The following GRK1 variants were observed in gnomAD, a reference collection of about 807,000 sequenced individuals.
GRK1 encodes G protein-coupled receptor kinase 1.
In GRK1, 28 loss-of-function variants were observed where a neutral mutation model predicts 41.7. The ratio of observed to expected loss-of-function variants is 0.67; its 90% confidence interval spans 0.50 to 0.92. The LOEUF (loss-of-function observed/expected upper bound fraction) is 0.92, where lower values mean the gene tolerates loss of function less well. GRK1 is among the 40% of genes least tolerant of loss of function. The pLI is 0.00. For synonymous variants in GRK1, 327 were observed against 286.7 expected (o/e 1.14, Z -1.42); for missense variants, 703 against 671.2 (o/e 1.05, Z -0.52).
chr13:113,654,634 G>C, the GRK1 span, among the ~76,000 whole-genome samples: 6 of 152,266 alleles, frequency 3.9e-5, no homozygotes, highest in Non-Finnish European at 8.8e-5. Flanking sequence ...AGCCGGTTCA[G>C]GGGCCAGGGG....
intron 4 of GRK1, among the ~76,000 whole-genome samples, chr13:113,724,063 G>T (rs1197031331): frequency 6.6e-6 from 1 of 152,134 alleles, no homozygotes; most frequent in African/African-American, 2.4e-5. Context: ...CCCCCATCCC[G>T]TGTCACTCAT....
At chr13:113,649,624 T>C in the GRK1 span, 6 of 1,402,580 alleles carry the variant, frequency 4.3e-6, no homozygotes, top group African/African-American at 1.5e-5. The surrounding 1 kb of genome is among the most constrained non-coding windows in gnomAD (Gnocchi z 4.7). Flanking sequence ...AACAGTCAGG[T>C]TGGTGCAGAG....
the GRK1 span, among the ~76,000 whole-genome samples, chr13:113,650,022 G>A: frequency 6.6e-6 from 1 of 152,098 alleles, no homozygotes; most frequent in Non-Finnish European, 1.5e-5. This position sits in a 1 kb window ranked among gnomAD's most constrained non-coding sequence, Gnocchi z 5.0. Context: ...AATTAGCTGG[G>A]CATGTTGGTG....
intron 3 of GRK1, among the ~76,000 whole-genome samples, chr13:113,672,192 T>G (rs879196182): frequency 0.74 from 112,619 of 151,498 alleles, 44,638 homozygotes; most frequent in East Asian, 0.99. Flanking sequence ...GTTTGTGGGG[T>G]GTGTGTGTGT....
upstream of GRK1, among the ~76,000 whole-genome samples, chr13:113,665,445 A>T (rs1210626063): frequency 1.4e-5 from 2 of 144,168 alleles, no homozygotes; most frequent in African/African-American, 5.3e-5. Flanking sequence ...GCTGCATTGC[A>T]GGTGTGCCCC....
chr13:113,666,643 C>T (rs188626598), upstream of GRK1, among the ~76,000 whole-genome samples: 93 of 152,102 alleles, frequency 6.1e-4, 1 homozygote, highest in South Asian at 1.5e-3. Flanking sequence ...CTGGTGTCAC[C>T]AGCAACTGCC....
chr13:113,658,213 A>T, the GRK1 span: 1 of 1,429,652 alleles, frequency 7.0e-7, no homozygotes, highest in Non-Finnish European at 9.6e-7. Context: ...CCAGATGCCC[A>T]CCTCTGGGCT....
chr13:113,649,527 G>C, the GRK1 span: 5 of 1,527,538 alleles, frequency 3.3e-6, no homozygotes, highest in Non-Finnish European at 4.4e-6. This position sits in a 1 kb window ranked among gnomAD's most constrained non-coding sequence, Gnocchi z 4.7. Flanking sequence ...GGGGGTTGCT[G>C]TAGTGGGGCT....
At chr13:113,664,486 T>G (rs2049806165), upstream of GRK1, among the ~76,000 whole-genome samples, 1 of 152,190 alleles carries the variant, frequency 6.6e-6, no homozygotes. This position sits in a 1 kb window ranked among gnomAD's most constrained non-coding sequence, Gnocchi z 5.4. Flanking sequence ...TTTACTTCTC[T>G]TTGAGAGACA....
Position 113,731,284 on chromosome 13 carries a change from G to A in GRK1, c.1135G>A (p.Gly379Arg). Residue 379 changes from glycine to arginine, a missense_variant, in exon 5 of 7, where the codon GGG (glycine) becomes AGG (arginine). By Grantham distance (125) the Gly-to-Arg change is moderately radical. Transcript: ENST00000335678. The surrounding 1 kb of genome is among the most constrained non-coding windows in gnomAD (Gnocchi z 5.6). ...YDFSVDYFALGVTLYEMIAAR... is the reference protein window; with the variant it reads ...YDFSVDYFALRVTLYEMIAAR... ...CTTCTCCGTGGACTACTTTGCCCTG[G>A]GGGTCACCCTGTATGAGATGATTGC... is the stretch of plus-strand genomic sequence containing the variant. The A allele has an allele frequency of 6.5e-7, 1 of 1,537,128 alleles. No individual in the cohort carries two copies. Among genetic ancestry groups the A allele is most frequent in the Non-Finnish European group, 8.7e-7 (1 of 1,146,862 alleles).
At chr13:113,734,870 G>A in intron 6 of GRK1, 198 bp from the exon 7 acceptor site, 2 of 477,094 alleles carry the variant, frequency 4.2e-6, no homozygotes, top group South Asian at 9.7e-5. Context: ...TCAAGCCCCA[G>A]CTGTGTGGTC....
upstream of GRK1, among the ~76,000 whole-genome samples, chr13:113,663,371 A>C (rs1444118781): frequency 3.3e-5 from 5 of 152,250 alleles, no homozygotes; most frequent in African/African-American, 1.2e-4. Flanking sequence ...GTAAATGTAA[A>C]TTGTAAAACT....
upstream of GRK1, among the ~76,000 whole-genome samples, chr13:113,665,023 G>T (rs985323459): frequency 6.6e-6 from 1 of 152,162 alleles, no homozygotes; most frequent in Non-Finnish European, 1.5e-5. Context: ...TGGGGACGTC[G>T]GCTCGGTCTG....
At position 113,671,717 on chromosome 13, in the gene GRK1, T is replaced by C; in HGVS notation, c.985+61T>C. 2 of 700,418 alleles carry C rather than the reference T, an allele frequency of 2.9e-6. No homozygotes were observed. Among genetic ancestry groups the C allele is most frequent in the South Asian group, 3.0e-5 (2 of 67,656 alleles). 43.4% of individuals were successfully genotyped at this position (700,418 alleles called of 1,614,324 possible). The stretch of plus-strand genomic sequence containing the variant: ...ACGAGGAGGGCGGGGCGCAGCTTCC[T>C]TGGGGGTCTCTGCACAACCTCACGA... On this transcript the variant is annotated intron_variant, in intron 3 of 6. Coordinates refer to ENST00000335678, the MANE Select transcript of GRK1 (RefSeq NM_002929.3). This position sits in a 1 kb window ranked among gnomAD's most constrained non-coding sequence, Gnocchi z 4.1.
Position 113,731,025 on chromosome 13 carries a change from A to G in GRK1, c.1070-194A>G. On this transcript the variant is annotated intron_variant, in intron 4 of 6. Transcript: ENST00000335678. This position sits in a 1 kb window ranked among gnomAD's most constrained non-coding sequence, Gnocchi z 5.6. ...GGGGTGCTGCTGTCACCCCACAGGC[A>G]GAGTCTGGGGTGCTGCTTGGCACCC... is the stretch of plus-strand genomic sequence containing the variant. 3.3e-6 allele frequency: 1 copy of G among 306,436 alleles called. No homozygotes were observed. Among genetic ancestry groups the G allele is most frequent in the Non-Finnish European group, 4.8e-6 (1 of 209,466 alleles). 19.0% of individuals were successfully genotyped at this position (306,436 alleles called of 1,614,324 possible).
At chr13:113,652,520 G>T in the GRK1 span, among the ~76,000 whole-genome samples, 4 of 152,254 alleles carry the variant, frequency 2.6e-5, no homozygotes, top group Non-Finnish European at 5.9e-5. Flanking sequence ...GCTTTAGAAG[G>T]TGCTAAACCC....
At chr13:113,651,558 C>T in the GRK1 span, 8 of 1,243,478 alleles carry the variant, frequency 6.4e-6, no homozygotes, top group Non-Finnish European at 8.6e-6. Context: ...TTTACTGGGC[C>T]GACGGCTGAC....
At chr13:113,654,843 G>C in the GRK1 span, 1 of 1,614,038 alleles carries the variant, frequency 6.2e-7, no homozygotes, top group Non-Finnish European at 8.5e-7. Flanking sequence ...TTGGTAGTCC[G>C]GTGTGTACGG....
intron 6 of GRK1, among the ~76,000 whole-genome samples, chr13:113,733,417 G>A (rs554612571): frequency 1.8e-4 from 28 of 152,220 alleles, no homozygotes; most frequent in African/African-American, 6.0e-4. Context: ...GGCTCAGGCC[G>A]TCTGCCGGGG....
Sources: gnomAD v4.1 joint callset for allele counts (sites outside exome capture counted in the v4.1 genomes callset) on GRCh38, gnomAD v4.1.1 for gene constraint, Gnocchi (gnomAD v3.1) non-coding constraint, MANE v1.5 for transcripts, NCBI Gene and HGNC (gene_info 2026-07-23, HGNC 2026-07-21) for gene names.